Variants in NRP1 observed in about 807,000 individuals in gnomAD.
The protein encoded by NRP1 is neuropilin 1, also known as neuropilin-1.
In NRP1, 35 loss-of-function variants were observed where a neutral mutation model predicts 106.7. That is an observed-to-expected ratio of 0.33 (90% CI 0.25 to 0.43). The LOEUF (loss-of-function observed/expected upper bound fraction) is 0.43. Among genes scored for constraint, NRP1 ranks in the 20% least tolerant of loss-of-function variants. The probability of loss-of-function intolerance (pLI) is 1.00; values close to 1 mark genes in which losing one functional copy is unlikely to be tolerated. For synonymous variants in NRP1, 437 were observed against 417.9 expected (o/e 1.05, Z -0.56); for missense variants, 1,024 against 1,170.4 (o/e 0.87, Z 1.83).
chr10:33,261,923 A>G (rs1456487141), intron 4 of NRP1, among the ~76,000 whole-genome samples: 1 of 152,124 alleles, frequency 6.6e-6, no homozygotes, highest in African/African-American at 2.4e-5. Context: ...TTTCGTAGAG[A>G]CAGGGTTTCA....
intron 2 of NRP1, among the ~76,000 whole-genome samples, chr10:33,304,560 G>C (rs1564471795): frequency 6.6e-6 from 1 of 152,160 alleles, no homozygotes; most frequent in Non-Finnish European, 1.5e-5. Flanking sequence ...AGTGTATGAT[G>C]ATGGTCCCCT....
chr10:33,207,859 T>C, intron 9 of NRP1, 143 bp from the exon 10 acceptor site: 1 of 728,326 alleles, frequency 1.4e-6, no homozygotes, highest in Non-Finnish European at 2.2e-6. Flanking sequence ...ATCTCTTTCA[T>C]AAACGAGAAA....
chr10:33,183,629 G>A (rs1319956855), intron 15 of NRP1, among the ~76,000 whole-genome samples: 1 of 152,202 alleles, frequency 6.6e-6, no homozygotes, highest in Non-Finnish European at 1.5e-5. Context: ...TAAGTACAGA[G>A]CAGGAATTTT....
At chr10:33,193,459 G>T (rs1006465700) in intron 12 of NRP1, among the ~76,000 whole-genome samples, 1 of 152,192 alleles carries the variant, frequency 6.6e-6, no homozygotes, top group African/African-American at 2.4e-5. Context: ...AACGAAGCCC[G>T]CAGATGCAGC....
chr10:33,254,007 G>C (rs766179788), intron 6 of NRP1, 21 bp downstream of exon 6: 3 of 1,588,554 alleles, frequency 1.9e-6, no homozygotes, highest in South Asian at 1.2e-5. Context: ...TCCTAGATAG[G>C]CTTGATCTTA....
Position 33,218,447 on chromosome 10 carries a change from G to C in NRP1, c.1282+3272C>G, listed in dbSNP as rs534169290. On this transcript the variant is annotated intron_variant, in intron 8 of 16. Transcript: ENST00000374867. ...TGCAAGCTCTGCCTCCTGGGTTCAC[G>C]CCATTCTCCTGCCTCAGCCTTCTGA... 2.0e-5 allele frequency among the ~76,000 whole-genome samples: 3 copies of C among 151,222 alleles called. No homozygotes were observed. The East Asian group carries it at 5.9e-4, about 30-fold the overall frequency.
chr10:33,222,543 T>C (rs1379591849), intron 7 of NRP1, among the ~76,000 whole-genome samples: 1 of 129,448 alleles, frequency 7.7e-6, no homozygotes, highest in African/African-American at 2.7e-5. Flanking sequence ...TTATTTAAGA[T>C]GGAGTCTCGC....
At chr10:33,242,149 C>T (rs779454777) in intron 6 of NRP1, among the ~76,000 whole-genome samples, 1 of 152,234 alleles carries the variant, frequency 6.6e-6, no homozygotes, top group East Asian at 1.9e-4. Flanking sequence ...TTTACTCCCC[C>T]CAGAAGACAC....
In NRP1 at chr10:33,313,514, A is replaced by G. The variant is rs1403576510; in HGVS notation, c.248+17194T>C. On this transcript the variant is annotated intron_variant, in intron 2 of 16. Transcript: ENST00000374867. ...GCTACATACCCAAAAATTAAAAGTT[A>G]AAAAAAAAAGACATCTTTGTAATAT... Among the ~76,000 whole-genome samples the G allele has an allele frequency of 1.2e-4, 18 of 149,598 alleles. No individual in the cohort carries two copies. The Admixed American group carries it at 1.2e-3, about 10-fold the overall frequency.
chr10:33,293,378 GCATCTTTA>G (rs1197085907), intron 2 of NRP1, among the ~76,000 whole-genome samples: 1 of 152,134 alleles, frequency 6.6e-6, no homozygotes, highest in Non-Finnish European at 1.5e-5. Context: ...TTGGACTGTT[GCATCTTTA>G]TAATGGGGAT....
At chr10:33,321,440 A>C (rs1254583092) in intron 2 of NRP1, among the ~76,000 whole-genome samples, 2 of 152,238 alleles carry the variant, frequency 1.3e-5, no homozygotes, top group South Asian at 2.1e-4. Flanking sequence ...TTAGTTAGCC[A>C]GGGGTTACCA....
intron 2 of NRP1, among the ~76,000 whole-genome samples, chr10:33,329,896 A>G (rs1192751681): frequency 6.6e-6 from 1 of 152,222 alleles, no homozygotes; most frequent in Non-Finnish European, 1.5e-5. Context: ...TACTGTGGAA[A>G]GCAATATCCA....
intron 2 of NRP1, among the ~76,000 whole-genome samples, chr10:33,279,725 AGACCACGCTCTGCTAG>A (rs897536349): frequency 1.1e-4 from 16 of 152,144 alleles, no homozygotes; most frequent in Non-Finnish European, 2.1e-4. Context: ...CCTACCACTA[AGACCACGCTCTGCTAG>A]GACACGTGGA....
intron 16 of NRP1, among the ~76,000 whole-genome samples, chr10:33,181,963 G>A (rs1835715205): frequency 6.6e-6 from 1 of 152,120 alleles, no homozygotes; most frequent in Admixed American, 6.5e-5. Flanking sequence ...GTTGAGTGTG[G>A]TGGTGTGGGC....
intron 2 of NRP1, among the ~76,000 whole-genome samples, chr10:33,284,937 A>G (rs966969497): frequency 2.0e-5 from 3 of 151,780 alleles, no homozygotes; most frequent in Non-Finnish European, 3.0e-5. Context: ...CACAGATCAG[A>G]AGCAATAAAA....
At chr10:33,229,198 A>AT (rs1245569040) in intron 6 of NRP1, among the ~76,000 whole-genome samples, 1 of 152,198 alleles carries the variant, frequency 6.6e-6, no homozygotes, top group Non-Finnish European at 1.5e-5. Flanking sequence ...ATTTAAATGG[A>AT]TTTTCTGTAT....
intron 2 of NRP1, among the ~76,000 whole-genome samples, chr10:33,312,891 TAGTGATCA>T (rs1412930678): frequency 2.0e-4 from 30 of 152,224 alleles, no homozygotes; most frequent in Non-Finnish European, 3.8e-4. Flanking sequence ...ACTTTTGTGT[TAGTGATCA>T]AATCCGAGTT....
At chr10:33,327,209 A>G (rs897152970) in intron 2 of NRP1, among the ~76,000 whole-genome samples, 3 of 152,152 alleles carry the variant, frequency 2.0e-5, no homozygotes, top group Non-Finnish European at 4.4e-5. Flanking sequence ...TTTAGTTTTG[A>G]CGTATGTTTA....
At chr10:33,201,718 T>A (rs1837324075) in intron 11 of NRP1, 1 of 152,184 alleles carries the variant, frequency 6.6e-6, no homozygotes. Context: ...TGTAAATGAT[T>A]ATCCTGGAAA....
Sources: gnomAD v4.1 joint callset for allele counts (sites outside exome capture counted in the v4.1 genomes callset) on GRCh38, gnomAD v4.1.1 for gene constraint, MANE v1.5 for transcripts, NCBI Gene and HGNC (gene_info 2026-07-23, HGNC 2026-07-21) for gene names.